GULP1: variants seen among roughly 807,000 people sequenced by gnomAD.
The protein encoded by GULP1 is GULP PTB domain containing engulfment adaptor 1.
GULP1 carries 19 observed loss-of-function variants against 40.9 expected under a neutral mutation model. The ratio of observed to expected loss-of-function variants is 0.46; its 90% CI spans 0.32 to 0.68. The LOEUF (loss-of-function observed/expected upper bound fraction) is 0.68. GULP1 is among the 30% of genes least tolerant of loss of function. The probability of loss-of-function intolerance (pLI) is 0.03; values close to 1 mark genes in which losing one functional copy is unlikely to be tolerated. For synonymous variants in GULP1, 119 were observed against 117.6 expected, an observed-to-expected ratio of 1.01 and a Z score of -0.08; for missense variants, 312 against 362.2, an observed-to-expected ratio of 0.86 and a Z score of 1.12.
At chr2:188,547,427 C>T (rs1276704963) in intron 7 of GULP1, among the ~76,000 whole-genome samples, 1 of 151,998 alleles carries the variant, frequency 6.6e-6, no homozygotes, top group Non-Finnish European at 1.5e-5. Flanking sequence ...ACAATAGGCC[C>T]ATCTGCAAGC....
intron 3 of GULP1, among the ~76,000 whole-genome samples, chr2:188,480,361 C>G (rs1201440248): frequency 6.6e-6 from 1 of 151,870 alleles, no homozygotes; most frequent in Non-Finnish European, 1.5e-5. Flanking sequence ...TCATAGATAC[C>G]CAATATACTT....
chr2:188,516,282 T>C (rs1235727257), intron 4 of GULP1, among the ~76,000 whole-genome samples: 1 of 152,196 alleles, frequency 6.6e-6, no homozygotes, highest in Non-Finnish European at 1.5e-5. Context: ...TGGTTCAAAA[T>C]TATCATTTCC....
At chr2:188,493,896 G>A (rs548554840) in intron 4 of GULP1, among the ~76,000 whole-genome samples, 2 of 152,168 alleles carry the variant, frequency 1.3e-5, no homozygotes, top group South Asian at 4.1e-4. Context: ...GCCCCTGGTA[G>A]AGTCAGATTT....
At chr2:188,362,321 C>T (rs1449869844) in intron 1 of GULP1, among the ~76,000 whole-genome samples, 3 of 151,994 alleles carry the variant, frequency 2.0e-5, no homozygotes, top group Non-Finnish European at 4.4e-5. Context: ...TATGTTTAGT[C>T]CTATGGAACC....
At chr2:188,427,621 G>C (rs2056374270) in intron 2 of GULP1, among the ~76,000 whole-genome samples, 1 of 152,218 alleles carries the variant, frequency 6.6e-6, no homozygotes. Flanking sequence ...AAGCCTTGGT[G>C]GTTTCTACAT....
chr2:188,336,399 A>G (rs1475693759), intron 1 of GULP1, among the ~76,000 whole-genome samples: 2 of 152,216 alleles, frequency 1.3e-5, no homozygotes, highest in Non-Finnish European at 2.9e-5. Context: ...CTTATGCAAC[A>G]TATATTTGAA....
intron 4 of GULP1, among the ~76,000 whole-genome samples, chr2:188,484,067 G>A (rs1289730551): frequency 2.0e-5 from 3 of 151,998 alleles, no homozygotes; most frequent in African/African-American, 7.2e-5. Context: ...GGAATTACAG[G>A]CATGTGCCAC....
At chr2:188,426,947 G>A (rs1355757778) in intron 2 of GULP1, among the ~76,000 whole-genome samples, 2 of 152,156 alleles carry the variant, frequency 1.3e-5, no homozygotes, top group East Asian at 1.9e-4. Flanking sequence ...GAACAGTGAA[G>A]TCCAGGCTGA....
chr2:188,443,705 G>A (rs79904813), intron 2 of GULP1, among the ~76,000 whole-genome samples: 2 of 75,628 alleles, frequency 2.6e-5, no homozygotes, highest in African/African-American at 1.0e-4. Context: ...TTTTTTTTTT[G>A]AGACAGAGTC....
intron 7 of GULP1, among the ~76,000 whole-genome samples, chr2:188,566,321 T>C (rs1417899827): frequency 6.6e-6 from 1 of 151,998 alleles, no homozygotes; most frequent in African/African-American, 2.4e-5. Context: ...ATGATGAGAA[T>C]CAAGTAAGAT....
intron 1 of GULP1, among the ~76,000 whole-genome samples, chr2:188,324,806 A>G (rs1006714315): frequency 1.3e-5 from 2 of 151,992 alleles, no homozygotes; most frequent in African/African-American, 4.8e-5. Context: ...CTAAATATAG[A>G]CACATCATGA....
chr2:188,321,230 TCAATTTATTTTTCTGTCTTCAACACAC>T (rs2039935934), intron 1 of GULP1, among the ~76,000 whole-genome samples: 1 of 152,154 alleles, frequency 6.6e-6, no homozygotes, highest in Admixed American at 6.6e-5. Flanking sequence ...TTTTAATGGA[TCAATTTATTTTTCTGTCTTCAACACAC>T]CAATCTTTAT....
At chr2:188,413,724 T>C (rs1040428444) in intron 2 of GULP1, among the ~76,000 whole-genome samples, 1 of 152,174 alleles carries the variant, frequency 6.6e-6, no homozygotes, top group African/African-American at 2.4e-5. Flanking sequence ...CAATATAAAT[T>C]CCTAGTAAAT....
At position 188,381,795 on chromosome 2, in the gene GULP1, T is replaced by C. The variant is rs189393136; in HGVS notation, c.-171-1968T>C. ...TTATAGTTTACCTTTTAACTATGTG[T>C]CATGCTTGAAATTTCCTGTCCAGGA... is the stretch of plus-strand genomic sequence containing the variant. On this transcript the variant is annotated intron_variant, in intron 1 of 11. Coordinates refer to ENST00000409830, the MANE Select transcript of GULP1 (RefSeq NM_016315.4). Among the ~76,000 whole-genome samples, 173 of 152,300 alleles carry C rather than the reference T, an allele frequency of 1.1e-3. 2 individuals carry two copies. The highest frequency in any genetic ancestry group is 3.5e-3 in the Admixed American group (54 of 15,292).
intron 9 of GULP1, among the ~76,000 whole-genome samples, chr2:188,583,793 A>C (rs1302532930): frequency 6.6e-6 from 1 of 152,244 alleles, no homozygotes; most frequent in Non-Finnish European, 1.5e-5. Flanking sequence ...GAGAATGCAA[A>C]AAAAATCAAT....
rs1442286310 is a variant in GULP1, at chr2:188,582,541, T to G, written c.610-1724T>G. 6.4e-6 allele frequency: 3 copies of G among 471,286 alleles called. No homozygotes were observed. The East Asian group carries it at 2.1e-4, about 33-fold the overall frequency. 29.2% of individuals were successfully genotyped at this position (471,286 alleles called of 1,614,324 possible). Reference sequence around the variant, plus strand: ...AATGTGGCTTTCCCAAGCCAGTCAGTGAGAGCAGCATCCCAAGACCTCATG... The same window carrying G: ...AATGTGGCTTTCCCAAGCCAGTCAGGGAGAGCAGCATCCCAAGACCTCATG... On this transcript the variant is annotated intron_variant, in intron 9 of 11. Transcript: ENST00000409830.
chr2:188,565,041 CTATT>C (rs1697310626), intron 7 of GULP1, among the ~76,000 whole-genome samples: 1 of 151,752 alleles, frequency 6.6e-6, no homozygotes, highest in South Asian at 2.1e-4. Flanking sequence ...CTACATAAAA[CTATT>C]TGAGGTGGAT....
At chr2:188,581,346 C>A (rs1459189603) in intron 9 of GULP1, among the ~76,000 whole-genome samples, 1 of 152,188 alleles carries the variant, frequency 6.6e-6, no homozygotes, top group Non-Finnish European at 1.5e-5. Flanking sequence ...CTCACTTCTG[C>A]AGTGATACAT....
chr2:188,522,947 G>A (rs1350025174), intron 5 of GULP1, 120 bp downstream of exon 5: 1 of 598,270 alleles, frequency 1.7e-6, no homozygotes, highest in Non-Finnish European at 3.1e-6. Flanking sequence ...TATTAAAAAT[G>A]AACTATTGAA....
Sources: allele counts gnomAD v4.1 joint callset (sites outside exome capture counted in the v4.1 genomes callset), GRCh38; gene constraint gnomAD v4.1.1; transcripts MANE v1.5; gene names NCBI Gene and HGNC (gene_info 2026-07-23, HGNC 2026-07-21).